The following TMEM51 variants were observed in gnomAD, a reference collection of about 807,000 sequenced individuals.
The protein encoded by TMEM51 is transmembrane protein 51, also known as chromosome 1 open reading frame 72.
A neutral mutation model predicts 13.6 loss-of-function variants in TMEM51; 8 were observed. That is an observed-to-expected ratio of 0.59 (90% confidence interval 0.35 to 1.07). The LOEUF is 1.07. TMEM51 is among the 50% of genes least tolerant of loss of function. The probability of loss-of-function intolerance (pLI) is 0.02; values close to 1 mark genes in which losing one functional copy is unlikely to be tolerated. For synonymous variants in TMEM51, 147 were observed against 144.4 expected, an observed-to-expected ratio of 1.02 and a Z score of -0.13; for missense variants, 279 against 330.7, an observed-to-expected ratio of 0.84 and a Z score of 1.21.
chr1:15,168,535 A>G (rs763734361), intron 1 of TMEM51: 15 of 1,304,882 alleles, frequency 1.1e-5, no homozygotes, highest in Non-Finnish European at 1.5e-5. Context: ...TGGTAGAACC[A>G]CTGATTTAAC....
chr1:15,184,784 G>A (rs1643720907), intron 1 of TMEM51, among the ~76,000 whole-genome samples: 1 of 151,884 alleles, frequency 6.6e-6, no homozygotes, highest in Admixed American at 6.6e-5. Flanking sequence ...ATAGTATAGA[G>A]TATAGAGCTC....
At chr1:15,165,254 T>C (rs1212098543) in intron 1 of TMEM51, among the ~76,000 whole-genome samples, 2 of 152,052 alleles carry the variant, frequency 1.3e-5, no homozygotes, top group Non-Finnish European at 2.9e-5. Flanking sequence ...AGGTAGAGGC[T>C]ACAGTGAGCC....
At chr1:15,200,006 G>A (rs1644124043) in intron 1 of TMEM51, among the ~76,000 whole-genome samples, 1 of 151,798 alleles carries the variant, frequency 6.6e-6, no homozygotes, top group African/African-American at 2.4e-5. Flanking sequence ...TGGGAAAGAG[G>A]GCCTAAGCGA....
At chr1:15,154,859 C>G (rs1222585102) in intron 1 of TMEM51, among the ~76,000 whole-genome samples, 1 of 145,302 alleles carries the variant, frequency 6.9e-6, no homozygotes, top group Non-Finnish European at 1.5e-5. Flanking sequence ...GGAGGTCTGG[C>G]TGCTGGGAAC....
chr1:15,159,098 A>T (rs1012282674), intron 1 of TMEM51, among the ~76,000 whole-genome samples: 1 of 152,230 alleles, frequency 6.6e-6, no homozygotes. Context: ...GACAGAGCTG[A>T]GTGGTGGAGG....
chr1:15,153,333 C>T (rs1263395917), upstream of TMEM51, among the ~76,000 whole-genome samples: 1 of 152,180 alleles, frequency 6.6e-6, no homozygotes, highest in Admixed American at 6.5e-5. Context: ...CCCAGCTCCA[C>T]TTAAACCCCT....
At chr1:15,219,071 A>ACCTGC (rs1644471603) in intron 3 of TMEM51, among the ~76,000 whole-genome samples, 1 of 152,072 alleles carries the variant, frequency 6.6e-6, no homozygotes, top group Non-Finnish European at 1.5e-5. Flanking sequence ...TTGGGGACTC[A>ACCTGC]CCTGTCCTGT....
chr1:15,155,731 C>A (rs886943916), intron 1 of TMEM51, among the ~76,000 whole-genome samples: 1 of 152,076 alleles, frequency 6.6e-6, no homozygotes, highest in African/African-American at 2.4e-5. Context: ...ATGGAAGGTC[C>A]GGAGTGAGCT....
intron 1 of TMEM51, among the ~76,000 whole-genome samples, chr1:15,201,700 G>A (rs999858753): frequency 1.3e-5 from 2 of 152,196 alleles, no homozygotes; most frequent in Non-Finnish European, 2.9e-5. Flanking sequence ...GGGGAATGGC[G>A]AGGGGAGGGG....
At chr1:15,190,827 GCC>G (rs1160904907) in intron 1 of TMEM51, among the ~76,000 whole-genome samples, 1 of 151,900 alleles carries the variant, frequency 6.6e-6, no homozygotes, top group Non-Finnish European at 1.5e-5. Context: ...TCACTCTGTC[GCC>G]CAAGCTGGAG....
At chr1:15,195,818 A>G (rs981620927) in intron 1 of TMEM51, among the ~76,000 whole-genome samples, 1 of 152,202 alleles carries the variant, frequency 6.6e-6, no homozygotes, top group African/African-American at 2.4e-5. Flanking sequence ...TCTCCTGCCC[A>G]ACCGACTGCC....
chr1:15,171,759 C>T (rs764243172), intron 1 of TMEM51, among the ~76,000 whole-genome samples: 3 of 152,194 alleles, frequency 2.0e-5, no homozygotes, highest in Non-Finnish European at 4.4e-5. Context: ...CTTAACCAAG[C>T]CCGCACAGCA....
Position 15,207,848 on chromosome 1 carries a change from G to A in TMEM51, c.-266-2642G>A, listed in dbSNP as rs1041460082. ...TTCTGCATATTTTCCTCATGTTGCC[G>A]GCAAATTATTTGCATACGGATACAA... On this transcript the variant is annotated intron_variant, in intron 1 of 3. Transcript: ENST00000376008. This position sits in a 1 kb window ranked among gnomAD's most constrained non-coding sequence, Gnocchi z 4.6. Among the ~76,000 whole-genome samples, 30 of 152,256 alleles carry A rather than the reference G, an allele frequency of 2.0e-4. 1 individual carries two copies. Among genetic ancestry groups the A allele is most frequent in the Admixed American group, 3.3e-4 (5 of 15,288 alleles).
chr1:15,192,093 AG>A, intron 1 of TMEM51: 1 of 494,606 alleles, frequency 2.0e-6, no homozygotes. Flanking sequence ...CACGCGACAC[AG>A]GGAGAGAATC....
intron 3 of TMEM51, among the ~76,000 whole-genome samples, chr1:15,219,087 A>T (rs1644472174): frequency 6.6e-6 from 1 of 151,934 alleles, no homozygotes; most frequent in Non-Finnish European, 1.5e-5. Flanking sequence ...CCTGTCCTGC[A>T]TGACTAGTAC....
rs534850447 is a variant in TMEM51, at chr1:15,218,791, G to A, written c.345-535G>A. 3.3e-4 allele frequency among the ~76,000 whole-genome samples: 50 copies of A among 152,226 alleles called. 1 individual carries two copies. The highest frequency in any genetic ancestry group is 3.4e-3 in the Middle Eastern group (1 of 294). The stretch of plus-strand genomic sequence containing the variant: ...AGTTACCATCCCTTTCCATGGTAAC[G>A]ACCCAGAAGTTACCTTTCCTAGGAA... On this transcript the variant is annotated intron_variant, in intron 3 of 3. Transcript: ENST00000376008.
rs796412816 is a variant in TMEM51 at position 15,208,746 on chromosome 1, G to A, written c.-266-1744G>A. Among the ~76,000 whole-genome samples the A allele has an allele frequency of 2.0e-5, 3 of 152,228 alleles. No individual in the cohort carries two copies. In the South Asian group the frequency reaches 6.2e-4, roughly 32 times the overall value. The stretch of plus-strand genomic sequence containing the variant: ...GTGGTAGGAAGTAGTTGGTGCCAAT[G>A]AGGAGCAGAAAGGAAACCACTGAGG... On this transcript the variant is annotated intron_variant, in intron 1 of 3. Transcript: ENST00000376008.
chr1:15,194,568 G>A (rs530806463), intron 1 of TMEM51, among the ~76,000 whole-genome samples: 1 of 152,234 alleles, frequency 6.6e-6, no homozygotes, highest in Admixed American at 6.5e-5. Context: ...CAGCTCAGAG[G>A]GCTAGGTTAA....
At chr1:15,183,167 T>C (rs541216291) in intron 1 of TMEM51, among the ~76,000 whole-genome samples, 1 of 152,350 alleles carries the variant, frequency 6.6e-6, no homozygotes, top group African/African-American at 2.4e-5. Flanking sequence ...CTATGGACTT[T>C]GCTTAAACAG....
Sources: gnomAD v4.1 joint callset for allele counts (sites outside exome capture counted in the v4.1 genomes callset) on GRCh38, gnomAD v4.1.1 for gene constraint, Gnocchi (gnomAD v3.1) non-coding constraint, MANE v1.5 for transcripts, NCBI Gene and HGNC (gene_info 2026-07-23, HGNC 2026-07-21) for gene names.